The following LPP variants were observed in gnomAD, a reference collection of about 807,000 sequenced individuals.
The protein encoded by LPP is LIM domain containing preferred translocation partner in lipoma, also known as lipoma-preferred partner.
LPP carries 38 observed loss-of-function variants against 60.4 expected under a neutral mutation model. The ratio of observed to expected loss-of-function variants is 0.63; its 90% CI spans 0.49 to 0.83. LPP has a LOEUF of 0.83. LPP is among the 40% of genes least tolerant of loss of function. The pLI is 0.00. For synonymous variants in LPP, 328 were observed against 290.8 expected, an observed-to-expected ratio of 1.13 and a Z score of -1.30; for missense variants, 902 against 783.6, an observed-to-expected ratio of 1.15 and a Z score of -1.80.
intron 1 of LPP, among the ~76,000 whole-genome samples, chr3:188,165,708 A>G (rs1560075194): frequency 6.6e-6 from 1 of 152,208 alleles, no homozygotes; most frequent in Non-Finnish European, 1.5e-5. Flanking sequence ...CTGAGCTGCT[A>G]CAATAGCCCA....
intron 5 of LPP, among the ~76,000 whole-genome samples, chr3:188,502,138 ATTG>A (rs996705391): frequency 2.0e-5 from 3 of 152,144 alleles, no homozygotes; most frequent in Non-Finnish European, 1.5e-5. Context: ...GGTGTATTCA[ATTG>A]TTGTTCAAGT....
At chr3:188,479,027 C>G (rs1290806579) in intron 4 of LPP, among the ~76,000 whole-genome samples, 1 of 152,116 alleles carries the variant, frequency 6.6e-6, no homozygotes, top group Admixed American at 6.5e-5. Flanking sequence ...GCTGGGGTTA[C>G]AGGTGTGAGC....
intron 9 of LPP, among the ~76,000 whole-genome samples, chr3:188,787,486 C>A (rs1443175939): frequency 1.3e-5 from 2 of 152,006 alleles, no homozygotes; most frequent in Non-Finnish European, 2.9e-5. Context: ...AACAGTTCAG[C>A]TCCCTGTAAT....
At chr3:188,166,265 C>G (rs968440842) in intron 1 of LPP, among the ~76,000 whole-genome samples, 1 of 151,892 alleles carries the variant, frequency 6.6e-6, no homozygotes, top group East Asian at 1.9e-4. Flanking sequence ...ATCCATTTGG[C>G]TCCTCAGGAT....
chr3:188,592,557 G>GTTGTTTGTTTTTT (rs1553936334), intron 6 of LPP, among the ~76,000 whole-genome samples: 12 of 85,760 alleles, frequency 1.4e-4, no homozygotes, highest in Admixed American at 6.5e-4. Context: ...TTTTGTTTTT[G>GTTGTTTGTTTTTT]TTTTTTAAAT....
chr3:188,851,262 T>C (rs548729520), intron 9 of LPP, among the ~76,000 whole-genome samples: 3 of 152,372 alleles, frequency 2.0e-5, no homozygotes, highest in Admixed American at 6.5e-5. Context: ...AGTTCTAGCT[T>C]TTTAACTATT....
chr3:188,302,432 A>G (rs970165583), intron 2 of LPP, among the ~76,000 whole-genome samples: 3 of 152,206 alleles, frequency 2.0e-5, no homozygotes, highest in African/African-American at 7.2e-5. Context: ...TGCAAATAGC[A>G]CAGTTTTCAG....
intron 3 of LPP, among the ~76,000 whole-genome samples, chr3:188,370,078 C>T (rs1216307920): frequency 1.3e-5 from 2 of 152,140 alleles, no homozygotes; most frequent in Admixed American, 6.5e-5. Flanking sequence ...CAGGTGCCTA[C>T]CACCACACCC....
At chr3:188,681,224 G>A (rs1162187522) in intron 7 of LPP, among the ~76,000 whole-genome samples, 1 of 152,118 alleles carries the variant, frequency 6.6e-6, no homozygotes, top group South Asian at 2.1e-4. Context: ...TCGATCTCTT[G>A]ACCTCGTGAT....
chr3:188,830,058 T>G, intron 9 of LPP, among the ~76,000 whole-genome samples: 1 of 151,332 alleles, frequency 6.6e-6, no homozygotes, highest in Admixed American at 6.6e-5. Flanking sequence ...ATAAATCATC[T>G]AAATCATCAT....
chr3:188,888,341 C>T lies in LPP; in HGVS notation c.*13862C>T, dbSNP rs2152105446. The T allele has an allele frequency of 4.4e-6, 1 of 228,048 alleles. No homozygotes were observed. The highest frequency in any genetic ancestry group is 1.8e-4 in the South Asian group (1 of 5,486). The allele number at this position is 228,048 out of a possible 1,614,324, so 14.1% of individuals were successfully genotyped here. A position where few individuals can be genotyped will look rare whatever the true frequency, so the allele number is the denominator to read the frequency against. ...CAGAGCCTGAGGATAGTAATTTTCC[C>T]TGAGCCACGCACACAGGCTTTTATT... On this transcript the variant is annotated 3_prime_UTR_variant, in exon 12 of 12. Transcript: ENST00000617246.
chr3:188,302,651 G>C (rs535196351), intron 2 of LPP, among the ~76,000 whole-genome samples: 15 of 152,158 alleles, frequency 9.9e-5, no homozygotes, highest in Non-Finnish European at 1.8e-4. Flanking sequence ...TCCTCCACAA[G>C]ATGCACCTTA....
chr3:188,577,574 A>G (rs1471190541), intron 6 of LPP, among the ~76,000 whole-genome samples: 2 of 151,014 alleles, frequency 1.3e-5, no homozygotes, highest in Non-Finnish European at 3.0e-5. Context: ...TATACTATAT[A>G]TTTTAATAAA....
intron 6 of LPP, among the ~76,000 whole-genome samples, chr3:188,607,580 C>A (rs930164631): frequency 6.6e-6 from 1 of 151,662 alleles, no homozygotes; most frequent in African/African-American, 2.4e-5. Flanking sequence ...CATAGTGAAT[C>A]TTTTCTACTT....
chr3:188,354,987 G>A (rs1767127769), intron 3 of LPP, among the ~76,000 whole-genome samples: 2 of 151,748 alleles, frequency 1.3e-5, no homozygotes, highest in African/African-American at 4.8e-5. Context: ...AGAGACATAT[G>A]TATATATATA....
chr3:188,491,844 A>G (rs1206999481), intron 5 of LPP, among the ~76,000 whole-genome samples: 1 of 152,220 alleles, frequency 6.6e-6, no homozygotes, highest in African/African-American at 2.4e-5. Context: ...CCTAGAGTCC[A>G]GGGGAGTATT....
At chr3:188,644,682 A>T (rs185772526) in intron 7 of LPP, among the ~76,000 whole-genome samples, 1 of 152,212 alleles carries the variant, frequency 6.6e-6, no homozygotes, top group Non-Finnish European at 1.5e-5. Flanking sequence ...GGTTTTTATA[A>T]TGTGGAAGCC....
intron 9 of LPP, among the ~76,000 whole-genome samples, chr3:188,853,342 T>C (rs1258044823): frequency 6.6e-6 from 1 of 152,194 alleles, no homozygotes; most frequent in Non-Finnish European, 1.5e-5. Context: ...TATGAACAGA[T>C]AACACTATAC....
At chr3:188,168,807 T>C (rs1375513186) in intron 1 of LPP, among the ~76,000 whole-genome samples, 1 of 152,232 alleles carries the variant, frequency 6.6e-6, no homozygotes, top group Non-Finnish European at 1.5e-5. Context: ...TAATAGAACT[T>C]CAGTTAAGCA....
Sources: gnomAD v4.1 joint callset for allele counts (sites outside exome capture counted in the v4.1 genomes callset) on GRCh38, gnomAD v4.1.1 for gene constraint, MANE v1.5 for transcripts, NCBI Gene and HGNC (gene_info 2026-07-23, HGNC 2026-07-21) for gene names.